The following PARD3B variants were observed in gnomAD, a reference collection of about 807,000 sequenced individuals.
PARD3B encodes the protein partitioning defective 3 homolog B.
In PARD3B, 103 loss-of-function variants were observed where a neutral mutation model predicts 130.2. The observed-to-expected ratio is 0.79, with a 90% CI of 0.67 to 0.93. PARD3B has a LOEUF of 0.93. Among genes scored for constraint, PARD3B ranks in the 40% least tolerant of loss-of-function variants. The pLI, the probability that PARD3B is intolerant of heterozygous loss-of-function variation, is 0.00. For missense variants in PARD3B, 1,609 were observed against 1,499.2 expected, an observed-to-expected ratio of 1.07 and a Z score of -1.21; for synonymous variants, 583 against 553.2, an observed-to-expected ratio of 1.05 and a Z score of -0.76.
Position 204,550,923 on chromosome 2 carries a change from G to T in PARD3B, c.120+4804G>T, listed in dbSNP as rs115411588. Among the ~76,000 whole-genome samples the T allele has an allele frequency of 3.2e-3, 484 of 152,278 alleles. 3 individuals carry two copies. The highest frequency in any genetic ancestry group is 0.011 in the African/African-American group (457 of 41,550). On this transcript the variant is annotated intron_variant, in intron 1 of 22. Coordinates refer to ENST00000406610, the MANE Select transcript of PARD3B (RefSeq NM_001302769.2). ...CCTTGTTACCTAAATAGATTTTAAG[G>T]TTCTTGTATACATAAGCTAGGCCCA...
At chr2:205,614,204 G>A (rs760981571) in intron 22 of PARD3B, among the ~76,000 whole-genome samples, 3 of 152,176 alleles carry the variant, frequency 2.0e-5, no homozygotes, top group Non-Finnish European at 2.9e-5. Context: ...TTCTGTTATG[G>A]CAAACGGATC....
intron 19 of PARD3B, among the ~76,000 whole-genome samples, chr2:205,404,627 A>G (rs2046358582): frequency 6.6e-6 from 1 of 152,128 alleles, no homozygotes; most frequent in Non-Finnish European, 1.5e-5. Flanking sequence ...TAAACTATTT[A>G]CCTTCCATTG....
chr2:204,949,463 G>A (rs1689591470), intron 2 of PARD3B, among the ~76,000 whole-genome samples: 1 of 151,936 alleles, frequency 6.6e-6, no homozygotes, highest in Non-Finnish European at 1.5e-5. Flanking sequence ...GACCACAGGA[G>A]CATACCACCA....
At chr2:205,509,874 C>T (rs763426911) in intron 21 of PARD3B, among the ~76,000 whole-genome samples, 22 of 152,232 alleles carry the variant, frequency 1.4e-4, no homozygotes, top group Non-Finnish European at 2.6e-4. Flanking sequence ...GTTTCTGGGT[C>T]TGCCCTCTGT....
In PARD3B at chr2:204,906,087, T is replaced by G. The variant is rs1420808955; in HGVS notation, c.223-59065T>G. Among the ~76,000 whole-genome samples the G allele has an allele frequency of 6.6e-6, 1 of 152,204 alleles. No individual in the cohort carries two copies. The highest frequency in any genetic ancestry group is 1.5e-5 in the Non-Finnish European group (1 of 68,032). On this transcript the variant is annotated intron_variant, in intron 2 of 22. Coordinates refer to ENST00000406610, the MANE Select transcript of PARD3B (RefSeq NM_001302769.2). The surrounding 1 kb of genome is among the most constrained non-coding windows in gnomAD (Gnocchi z 4.3). The stretch of plus-strand genomic sequence containing the variant: ...TAATTTTTGCTAAATAATGGCTTAT[T>G]AAAGGGTTCCTGATGGTAGTTTGTG...
intron 1 of PARD3B, among the ~76,000 whole-genome samples, chr2:204,616,939 G>A (rs1270104209): frequency 2.6e-5 from 4 of 152,032 alleles, no homozygotes; most frequent in Non-Finnish European, 4.4e-5. Context: ...AAGTTCTTTC[G>A]TCCCTTAAAC....
chr2:205,496,870 T>G (rs2049945726), intron 20 of PARD3B, among the ~76,000 whole-genome samples: 1 of 151,960 alleles, frequency 6.6e-6, no homozygotes, highest in African/African-American at 2.4e-5. Flanking sequence ...AGGCTTCAGT[T>G]TCTTTGGGGT....
chr2:205,308,604 C>CAAAAAAA (rs5837965), intron 18 of PARD3B, among the ~76,000 whole-genome samples: 2 of 113,250 alleles, frequency 1.8e-5, no homozygotes, highest in Admixed American at 1.1e-4. Flanking sequence ...GACTCCGTCT[C>CAAAAAAA]AAAAAAAAAA....
At chr2:205,472,299 A>G (rs1169906127) in intron 20 of PARD3B, among the ~76,000 whole-genome samples, 1 of 152,168 alleles carries the variant, frequency 6.6e-6, no homozygotes, top group African/African-American at 2.4e-5. Context: ...ATGTGCACAC[A>G]CACACACTTT....
At chr2:204,983,164 A>G (rs1039387347) in intron 3 of PARD3B, among the ~76,000 whole-genome samples, 1 of 152,128 alleles carries the variant, frequency 6.6e-6, no homozygotes, top group Non-Finnish European at 1.5e-5. Context: ...TGGTATAGCC[A>G]ATGCAGTTTG....
rs2106526245 is a variant in PARD3B, at chr2:205,563,396, G to T, written c.3260+9993G>T. On this transcript the variant is annotated intron_variant, in intron 22 of 22. Transcript: ENST00000406610. This position sits in a 1 kb window ranked among gnomAD's most constrained non-coding sequence, Gnocchi z 4.2. ...TAATAAAAGAAAAAAATGTATCCTT[G>T]AAGTCACAGAATCAGAATCAGAATT... Among the ~76,000 whole-genome samples, 1 of 152,238 alleles carries T rather than the reference G, an allele frequency of 6.6e-6. No individual in the cohort carries two copies. Among genetic ancestry groups the T allele is most frequent in the African/African-American group, 2.4e-5 (1 of 41,538 alleles).
chr2:205,419,383 C>T (rs943637423), intron 19 of PARD3B, among the ~76,000 whole-genome samples: 10 of 152,170 alleles, frequency 6.6e-5, no homozygotes, highest in African/African-American at 2.2e-4. Context: ...ATCTATTAAA[C>T]CTCTTTTTCT....
intron 18 of PARD3B, among the ~76,000 whole-genome samples, chr2:205,361,588 C>T (rs2044391127): frequency 6.6e-6 from 1 of 152,190 alleles, no homozygotes; most frequent in Non-Finnish European, 1.5e-5. Flanking sequence ...CACCTTGATT[C>T]AATTTCTAGA....
At chr2:205,095,939 T>A (rs1350660035) in intron 4 of PARD3B, among the ~76,000 whole-genome samples, 1 of 152,078 alleles carries the variant, frequency 6.6e-6, no homozygotes, top group African/African-American at 2.4e-5. Context: ...GAAAAGATCA[T>A]AGGAAAATAA....
chr2:205,268,368 C>A lies in PARD3B; in HGVS notation c.2185+22546C>A, dbSNP rs2040594007. Among the ~76,000 whole-genome samples, 1 of 152,160 alleles carries A rather than the reference C, an allele frequency of 6.6e-6. No individual in the cohort carries two copies. Among genetic ancestry groups the A allele is most frequent in the African/African-American group, 2.4e-5 (1 of 41,452 alleles). Reference sequence around the variant, plus strand: ...GAAAAATAAGCATCAACTTGGAAATCAAATTGACTTTTTTCTTAACACTGA... The same window carrying A: ...GAAAAATAAGCATCAACTTGGAAATAAAATTGACTTTTTTCTTAACACTGA... On this transcript the variant is annotated intron_variant, in intron 16 of 22. Coordinates refer to ENST00000406610, the MANE Select transcript of PARD3B (RefSeq NM_001302769.2). This position sits in a 1 kb window ranked among gnomAD's most constrained non-coding sequence, Gnocchi z 4.1.
chr2:204,659,843 T>C (rs911627625), intron 1 of PARD3B, among the ~76,000 whole-genome samples: 2 of 152,174 alleles, frequency 1.3e-5, no homozygotes, highest in Admixed American at 6.6e-5. Flanking sequence ...GGATGCTATT[T>C]ACAAAAATTA....
chr2:204,704,352 T>A (rs934478433), intron 2 of PARD3B, among the ~76,000 whole-genome samples: 1 of 152,198 alleles, frequency 6.6e-6, no homozygotes, highest in African/African-American at 2.4e-5. Context: ...TTACTTCAGG[T>A]AAGACACATG....
At position 204,548,449 on chromosome 2, in the gene PARD3B, C is replaced by A. The variant is rs61356896; in HGVS notation, c.120+2330C>A. On this transcript the variant is annotated intron_variant, in intron 1 of 22. Coordinates refer to ENST00000406610, the MANE Select transcript of PARD3B (RefSeq NM_001302769.2). ...CTATTATTATCCCCATTTTACAAAT[C>A]AGGGGAAAAAGAGACACAGAGACAT... Among the ~76,000 whole-genome samples the A allele has an allele frequency of 7.5e-3, 1,140 of 152,190 alleles. 52 individuals are homozygous for A. In the East Asian group the frequency reaches 0.12, roughly 16 times the overall value.
intron 15 of PARD3B, among the ~76,000 whole-genome samples, chr2:205,196,523 G>A (rs10804146): frequency 5.1e-4 from 78 of 151,766 alleles, no homozygotes; most frequent in African/African-American, 1.9e-3. Context: ...CATAAAAAAG[G>A]TTTCAGTCTT....
Sources: gnomAD v4.1 joint callset for allele counts (sites outside exome capture counted in the v4.1 genomes callset) on GRCh38, gnomAD v4.1.1 for gene constraint, Gnocchi (gnomAD v3.1) non-coding constraint, MANE v1.5 for transcripts, NCBI Gene and HGNC (gene_info 2026-07-23, HGNC 2026-07-21) for gene names.